Variants in LONP2 observed in about 807,000 individuals in gnomAD.
LONP2 encodes lon peptidase 2, peroxisomal.
LONP2 carries 60 observed loss-of-function variants against 85.6 expected under a neutral mutation model. The observed-to-expected ratio is 0.70, with a 90% CI of 0.57 to 0.87. LONP2 has a LOEUF of 0.87. Ranked by LOEUF, LONP2 falls within the 40% of genes least tolerant of loss-of-function variation. The pLI, the probability that LONP2 is intolerant of heterozygous loss-of-function variation, is 0.00. For missense variants in LONP2, 860 were observed against 1,063.5 expected (o/e 0.81, Z 2.66); for synonymous variants, 395 against 389.7 (o/e 1.01, Z -0.16).
rs764478468 is a variant in LONP2 at position 48,355,548 on chromosome 16, A to G, written c.*3746A>G. On this transcript the variant is annotated 3_prime_UTR_variant, in exon 15 of 15. Coordinates refer to ENST00000285737, the MANE Select transcript of LONP2 (RefSeq NM_031490.5). Reference sequence around the variant, plus strand: ...GTTACGGTTAACACAAATGACTAAGACAACAGGATAATTCTGTTTAACTTT... The same window carrying G: ...GTTACGGTTAACACAAATGACTAAGGCAACAGGATAATTCTGTTTAACTTT... 1.3e-4 allele frequency: 20 copies of G among 152,224 alleles called. No homozygotes were observed. Among genetic ancestry groups the G allele is most frequent in the Non-Finnish European group, 2.9e-4 (20 of 68,034 alleles). The allele number at this position is 152,224 out of a possible 1,614,324, so 9.4% of individuals were successfully genotyped here.
At chr16:48,342,754 A>T (rs779679329) in intron 12 of LONP2, among the ~76,000 whole-genome samples, 30 of 152,226 alleles carry the variant, frequency 2.0e-4, no homozygotes, top group Middle Eastern at 3.2e-3. Flanking sequence ...GGATCTCAGT[A>T]CTAAGACTTT....
intron 12 of LONP2, among the ~76,000 whole-genome samples, chr16:48,335,721 C>T (rs1959625957): frequency 6.6e-6 from 1 of 152,070 alleles, no homozygotes; most frequent in African/African-American, 2.4e-5. Flanking sequence ...GAGAAATAGC[C>T]CCCAAGCCTG....
intron 1 of LONP2, among the ~76,000 whole-genome samples, chr16:48,250,577 T>C (rs1254044136): frequency 2.6e-5 from 4 of 152,236 alleles, no homozygotes; most frequent in Non-Finnish European, 4.4e-5. Context: ...ATCGGAGATT[T>C]GGATTTGTCT....
intron 14 of LONP2, among the ~76,000 whole-genome samples, chr16:48,349,300 C>T (rs1171146455): frequency 4.0e-5 from 6 of 151,668 alleles, no homozygotes; most frequent in Admixed American, 1.3e-4. Context: ...AGATGGAGTC[C>T]GGCTCTCTTA....
intron 8 of LONP2, among the ~76,000 whole-genome samples, chr16:48,290,641 C>T (rs1972540916): frequency 6.6e-6 from 1 of 152,182 alleles, no homozygotes; most frequent in Admixed American, 6.5e-5. Context: ...TTAAAGAATA[C>T]AAACAAACAG....
chr16:48,298,629 GTGTGTGT>G (rs1567329366), intron 9 of LONP2, among the ~76,000 whole-genome samples: 6 of 111,386 alleles, frequency 5.4e-5, no homozygotes, highest in African/African-American at 4.0e-5. Flanking sequence ...TAATTGAGGT[GTGTGTGT>G]GTGTGTGTGT....
At chr16:48,244,652 G>A in intron 1 of LONP2, 31 bp downstream of exon 1, 2 of 1,325,142 alleles carry the variant, frequency 1.5e-6, no homozygotes, top group Non-Finnish European at 1.9e-6. Context: ...GGCGGCGGCG[G>A]GCGGCGCGGC....
chr16:48,256,486 T>C, intron 2 of LONP2, 124 bp from the exon 3 acceptor site: 1 of 925,148 alleles, frequency 1.1e-6, no homozygotes, highest in Non-Finnish European at 1.7e-6. Flanking sequence ...TGGACTATAT[T>C]AATCAGTGAT....
At chr16:48,323,593 G>GGTT (rs1973310053) in intron 11 of LONP2, among the ~76,000 whole-genome samples, 2 of 151,848 alleles carry the variant, frequency 1.3e-5, no homozygotes, top group Admixed American at 1.3e-4. Context: ...GGGAGGCGGA[G>GGTT]GTTGCAGTGA....
intron 8 of LONP2, among the ~76,000 whole-genome samples, chr16:48,290,234 T>G (rs189421986): frequency 6.6e-6 from 1 of 152,334 alleles, no homozygotes; most frequent in East Asian, 1.9e-4. Context: ...AGTTTGTCTT[T>G]ATCACAGATT....
chr16:48,249,451 C>T (rs1371689425), intron 1 of LONP2, among the ~76,000 whole-genome samples: 1 of 152,052 alleles, frequency 6.6e-6, no homozygotes, highest in Non-Finnish European at 1.5e-5. Flanking sequence ...GTTTATTTAC[C>T]TGTTTGTATA....
intron 11 of LONP2, among the ~76,000 whole-genome samples, chr16:48,319,492 T>C (rs1973217196): frequency 6.6e-6 from 1 of 152,186 alleles, no homozygotes; most frequent in Non-Finnish European, 1.5e-5. Context: ...CTTTTGGATT[T>C]TATATTAGTT....
At chr16:48,319,810 A>G (rs2151014366) in intron 11 of LONP2, among the ~76,000 whole-genome samples, 1 of 152,284 alleles carries the variant, frequency 6.6e-6, no homozygotes, top group Non-Finnish European at 1.5e-5. Flanking sequence ...TGGGGATGGG[A>G]TATCTGGGCA....
At chr16:48,248,346 G>A (rs1173369129) in intron 1 of LONP2, among the ~76,000 whole-genome samples, 1 of 147,510 alleles carries the variant, frequency 6.8e-6, no homozygotes, top group Non-Finnish European at 1.5e-5. Context: ...AACTGGTTTC[G>A]AACTCCTGAG....
At chr16:48,309,409 C>A (rs1431525301) in intron 11 of LONP2, among the ~76,000 whole-genome samples, 1 of 152,140 alleles carries the variant, frequency 6.6e-6, no homozygotes, top group Admixed American at 6.5e-5. Context: ...GGAATCATGC[C>A]TTTTGCAGCA....
chr16:48,340,225 CTT>C (rs1375562428), intron 12 of LONP2, among the ~76,000 whole-genome samples: 1 of 152,210 alleles, frequency 6.6e-6, no homozygotes, highest in African/African-American at 2.4e-5. Flanking sequence ...AAATTTTAAA[CTT>C]AGTCTCTTTG....
At position 48,279,526 on chromosome 16, in the gene LONP2, G is replaced by A. The variant is rs143470726; in HGVS notation, c.1383+2047G>A. Among the ~76,000 whole-genome samples the A allele has an allele frequency of 3.1e-3, 475 of 152,164 alleles. 3 individuals carry two copies. The highest frequency in any genetic ancestry group is 0.011 in the African/African-American group (451 of 41,510). ...GGGGGTATCACTGCATTCAGCATCC[G>A]TGTATATGCATTCACCTGAGCTCTT... is the stretch of plus-strand genomic sequence containing the variant. On this transcript the variant is annotated intron_variant, in intron 8 of 14. Coordinates refer to ENST00000285737, the MANE Select transcript of LONP2 (RefSeq NM_031490.5).
intron 7 of LONP2, among the ~76,000 whole-genome samples, chr16:48,270,906 T>C (rs1972089761): frequency 6.6e-6 from 1 of 152,144 alleles, no homozygotes; most frequent in African/African-American, 2.4e-5. Flanking sequence ...GGTGGGTGGA[T>C]TGTTTGAGCC....
chr16:48,260,957 G>A (rs1281906516), intron 4 of LONP2, among the ~76,000 whole-genome samples: 2 of 152,126 alleles, frequency 1.3e-5, no homozygotes, highest in Admixed American at 6.5e-5. Context: ...TTTGAAAGCA[G>A]GAAAGCTTTG....
Sources: gnomAD v4.1 joint callset for allele counts (sites outside exome capture counted in the v4.1 genomes callset) on GRCh38, gnomAD v4.1.1 for gene constraint, MANE v1.5 for transcripts, NCBI Gene and HGNC (gene_info 2026-07-23, HGNC 2026-07-21) for gene names.